ATG10: variants seen among roughly 807,000 people sequenced by gnomAD.
The protein encoded by ATG10 is autophagy related 10, also known as ubiquitin-like-conjugating enzyme ATG10.
Under a neutral mutation model 32.1 loss-of-function variants are expected in ATG10, and 30 were observed. The ratio of observed to expected loss-of-function variants is 0.94; its 90% CI spans 0.70 to 1.27. ATG10 has a LOEUF of 1.27. ATG10 is among the 50% of genes most tolerant of loss of function. ATG10 has a pLI of 0.00. For synonymous variants in ATG10, 87 were observed against 91.5 expected (o/e 0.95, Z 0.28); for missense variants, 233 against 262.3 (o/e 0.89, Z 0.77).
intron 5 of ATG10, among the ~76,000 whole-genome samples, chr5:82,230,210 G>A (rs1008999002): frequency 1.3e-5 from 2 of 152,162 alleles, no homozygotes; most frequent in East Asian, 1.9e-4. Flanking sequence ...TATTTCAAAG[G>A]AAGGGTTAGT....
intron 2 of ATG10, among the ~76,000 whole-genome samples, chr5:82,029,190 G>T (rs1762676933): frequency 6.6e-6 from 1 of 152,138 alleles, no homozygotes; most frequent in African/African-American, 2.4e-5. Flanking sequence ...CCAAATTCTG[G>T]TTAATGATGA....
chr5:81,991,064 A>T (rs964853416), intron 2 of ATG10, among the ~76,000 whole-genome samples: 2 of 152,258 alleles, frequency 1.3e-5, no homozygotes, highest in Non-Finnish European at 2.9e-5. Flanking sequence ...GCCTCAGCAC[A>T]TGCTATTGAA....
At chr5:82,063,842 A>G (rs1044811153) in intron 3 of ATG10, among the ~76,000 whole-genome samples, 4 of 152,168 alleles carry the variant, frequency 2.6e-5, no homozygotes, top group Non-Finnish European at 5.9e-5. Context: ...TAGAGGGTCA[A>G]AAGAGGGAGA....
At chr5:81,986,055 C>T (rs538262035) in intron 1 of ATG10, among the ~76,000 whole-genome samples, 166 of 151,996 alleles carry the variant, frequency 1.1e-3, no homozygotes, top group African/African-American at 3.6e-3. Context: ...TGAGCCACCG[C>T]GCCTGGCCAC....
intron 3 of ATG10, among the ~76,000 whole-genome samples, chr5:82,130,157 C>T (rs528906618): frequency 1.3e-5 from 2 of 152,298 alleles, no homozygotes; most frequent in East Asian, 1.9e-4. Flanking sequence ...GGGAAAACTG[C>T]CTACTGAAGC....
intron 2 of ATG10, among the ~76,000 whole-genome samples, chr5:81,988,734 C>T (rs1453444720): frequency 6.6e-6 from 1 of 152,048 alleles, no homozygotes; most frequent in Non-Finnish European, 1.5e-5. Flanking sequence ...ACGCCTGGCC[C>T]AAAGTATTTT....
chr5:82,143,806 G>A (rs1767242579), intron 3 of ATG10, among the ~76,000 whole-genome samples: 3 of 152,086 alleles, frequency 2.0e-5, no homozygotes, highest in Admixed American at 2.0e-4. Flanking sequence ...TTCTTTTCTT[G>A]TACTTTCTTT....
At chr5:82,009,319 A>T (rs1386399770) in intron 2 of ATG10, among the ~76,000 whole-genome samples, 1 of 152,106 alleles carries the variant, frequency 6.6e-6, no homozygotes, top group African/African-American at 2.4e-5. Context: ...TAATTTGCCT[A>T]TATCCTCTGA....
At chr5:82,098,308 G>GTTTTTTTTTTTT (rs35693758) in intron 3 of ATG10, among the ~76,000 whole-genome samples, 1 of 115,602 alleles carries the variant, frequency 8.7e-6, no homozygotes, top group Non-Finnish European at 1.8e-5. Context: ...TTGTTGTTGG[G>GTTTTTTTTTTTT]TTTTTTTTTT....
chr5:82,162,134 CAT>C (rs1231786661), intron 3 of ATG10, among the ~76,000 whole-genome samples: 1 of 151,922 alleles, frequency 6.6e-6, no homozygotes, highest in African/African-American at 2.4e-5. Flanking sequence ...ATGGTGCAGA[CAT>C]ATATATTTAT....
In ATG10 at chr5:81,990,550, C is replaced by T. The variant is rs1761422177; in HGVS notation, c.108+2872C>T. On this transcript the variant is annotated intron_variant, in intron 2 of 7. Coordinates refer to ENST00000282185, the MANE Select transcript of ATG10 (RefSeq NM_031482.5). Reference sequence around the variant, plus strand: ...TCTCCACTGAAGTTGTAAACTAATGCCCCAGAACCAGTTTTCAGGATTTGT... The same window carrying T: ...TCTCCACTGAAGTTGTAAACTAATGTCCCAGAACCAGTTTTCAGGATTTGT... Among the ~76,000 whole-genome samples, 4 of 152,112 alleles carry T rather than the reference C, an allele frequency of 2.6e-5. No homozygotes were observed. In the South Asian group the frequency reaches 8.3e-4, roughly 32 times the overall value.
At chr5:82,138,399 G>A (rs537201848) in intron 3 of ATG10, among the ~76,000 whole-genome samples, 8 of 152,306 alleles carry the variant, frequency 5.3e-5, no homozygotes, top group African/African-American at 1.9e-4. Flanking sequence ...TTATAAAGAC[G>A]GTGGGAAGAG....
intron 5 of ATG10, among the ~76,000 whole-genome samples, chr5:82,237,929 C>T (rs1005134379): frequency 2.0e-5 from 3 of 152,192 alleles, no homozygotes; most frequent in Admixed American, 2.0e-4. Flanking sequence ...AGCCACACAA[C>T]ACAGTGTTAC....
intron 3 of ATG10, among the ~76,000 whole-genome samples, chr5:82,060,249 A>C (rs1763723541): frequency 6.6e-6 from 1 of 152,212 alleles, no homozygotes; most frequent in Non-Finnish European, 1.5e-5. Context: ...TTTTGCAGTG[A>C]ATATCTATAT....
chr5:82,220,214 G>A (rs1322442722), intron 5 of ATG10, among the ~76,000 whole-genome samples: 1 of 152,168 alleles, frequency 6.6e-6, no homozygotes, highest in Non-Finnish European at 1.5e-5. Context: ...AATGCTGGTG[G>A]CTGGGAGCAT....
intron 5 of ATG10, among the ~76,000 whole-genome samples, chr5:82,237,505 A>T (rs182147377): frequency 1.3e-5 from 2 of 152,128 alleles, no homozygotes; most frequent in Non-Finnish European, 2.9e-5. Flanking sequence ...TTAGCTGGAC[A>T]TGGTGGCGTG....
At chr5:82,197,258 C>A (rs1744890517) in intron 5 of ATG10, among the ~76,000 whole-genome samples, 1 of 152,128 alleles carries the variant, frequency 6.6e-6, no homozygotes, top group East Asian at 1.9e-4. Context: ...TGTAACCTTG[C>A]TGAACTCTTT....
intron 5 of ATG10, among the ~76,000 whole-genome samples, chr5:82,250,910 G>A (rs1747231148): frequency 6.6e-6 from 1 of 152,230 alleles, no homozygotes; most frequent in Non-Finnish European, 1.5e-5. Context: ...AGGAGGACTT[G>A]GCATAGGCCC....
chr5:82,127,655 A>G (rs1766336259), intron 3 of ATG10, among the ~76,000 whole-genome samples: 1 of 151,424 alleles, frequency 6.6e-6, no homozygotes, highest in African/African-American at 2.4e-5. Context: ...AGAGACTGTT[A>G]TGGTTTCTTT....
Sources: allele counts gnomAD v4.1 joint callset (sites outside exome capture counted in the v4.1 genomes callset), GRCh38; gene constraint gnomAD v4.1.1; transcripts MANE v1.5; gene names NCBI Gene and HGNC (gene_info 2026-07-23, HGNC 2026-07-21).